The following SAMD5 variants were observed in gnomAD, a reference collection of about 807,000 sequenced individuals.
SAMD5 encodes sterile alpha motif domain-containing protein 5.
A neutral mutation model predicts 11.3 loss-of-function variants in SAMD5; 13 were observed. The observed-to-expected ratio is 1.15, with a 90% CI of 0.75 to 1.83. The LOEUF (loss-of-function observed/expected upper bound fraction) is 1.83. Ranked by LOEUF, SAMD5 falls within the 40% of genes most tolerant of loss-of-function variation. The probability of loss-of-function intolerance (pLI) is 0.00; values close to 1 mark genes in which losing one functional copy is unlikely to be tolerated. For missense variants in SAMD5, 255 were observed against 239.1 expected, an observed-to-expected ratio of 1.07 and a Z score of -0.44; for synonymous variants, 129 against 111.3, an observed-to-expected ratio of 1.16 and a Z score of -1.00.
the SAMD5 span, among the ~76,000 whole-genome samples, chr6:147,951,098 C>T: frequency 6.6e-6 from 1 of 152,004 alleles, no homozygotes; most frequent in East Asian, 1.9e-4. Flanking sequence ...GTTAACCCAA[C>T]TCCAGGATTC....
At chr6:147,690,884 A>G (rs1184397635) in intron 1 of SAMD5, among the ~76,000 whole-genome samples, 1 of 151,722 alleles carries the variant, frequency 6.6e-6, no homozygotes, top group Non-Finnish European at 1.5e-5. Context: ...AAAAACACCC[A>G]TACAGGGTTT....
chr6:147,654,715 A>C (rs1368483680), intron 1 of SAMD5, among the ~76,000 whole-genome samples: 1 of 151,108 alleles, frequency 6.6e-6, no homozygotes, highest in African/African-American at 2.4e-5. Flanking sequence ...TTTTTTCTCC[A>C]TGATTCTCAA....
At chr6:147,510,589 C>A (rs1047649409) in intron 1 of SAMD5, among the ~76,000 whole-genome samples, 1 of 152,102 alleles carries the variant, frequency 6.6e-6, no homozygotes, top group Non-Finnish European at 1.5e-5. Context: ...GCTGTAGAAT[C>A]TTAAGTAAAG....
the SAMD5 span, among the ~76,000 whole-genome samples, chr6:147,766,454 C>T: frequency 6.6e-6 from 1 of 152,194 alleles, no homozygotes; most frequent in South Asian, 2.1e-4. Context: ...GAAAATGAGC[C>T]ATTCATACCC....
the SAMD5 span, among the ~76,000 whole-genome samples, chr6:147,839,734 G>A: frequency 2.0e-5 from 3 of 152,222 alleles, no homozygotes; most frequent in African/African-American, 7.2e-5. Context: ...TGGGCAACAA[G>A]AGCAAAACTC....
chr6:147,940,894 G>A, the SAMD5 span, among the ~76,000 whole-genome samples: 2 of 152,080 alleles, frequency 1.3e-5, no homozygotes, highest in African/African-American at 2.4e-5. Flanking sequence ...CTCCGGAGGC[G>A]GAGATTGCAG....
At chr6:147,693,964 C>T (rs1791140205) in intron 1 of SAMD5, among the ~76,000 whole-genome samples, 1 of 152,094 alleles carries the variant, frequency 6.6e-6, no homozygotes, top group Non-Finnish European at 1.5e-5. Flanking sequence ...GAGACTTTGT[C>T]TCAAAAAAAT....
At chr6:147,806,318 G>A in the SAMD5 span, among the ~76,000 whole-genome samples, 8,116 of 68,088 alleles carry the variant, frequency 0.12, 282 homozygotes, top group African/African-American at 0.15. Flanking sequence ...GCGCGCGCGC[G>A]CACACACACA....
intron 1 of SAMD5, among the ~76,000 whole-genome samples, chr6:147,651,915 C>G (rs1216110117): frequency 3.3e-5 from 5 of 152,056 alleles, no homozygotes; most frequent in Admixed American, 1.3e-4. Context: ...AGACCACACC[C>G]AGGCCCGCAC....
At chr6:147,933,121 C>A in the SAMD5 span, among the ~76,000 whole-genome samples, 2 of 152,086 alleles carry the variant, frequency 1.3e-5, no homozygotes, top group Non-Finnish European at 2.9e-5. Context: ...AATTCCATCA[C>A]AAAACAGAAG....
At chr6:147,763,857 C>T in the SAMD5 span, among the ~76,000 whole-genome samples, 102 of 152,364 alleles carry the variant, frequency 6.7e-4, no homozygotes, top group Non-Finnish European at 2.1e-4. Context: ...GCTGGGATTA[C>T]AGGCATGAGC....
chr6:147,533,407 A>G (rs185317650), intron 1 of SAMD5, among the ~76,000 whole-genome samples: 1 of 149,546 alleles, frequency 6.7e-6, no homozygotes, highest in African/African-American at 2.5e-5. Flanking sequence ...GGTTGCTGTA[A>G]GCCGAGATCG....
the SAMD5 span, among the ~76,000 whole-genome samples, chr6:147,918,789 C>T: frequency 6.7e-6 from 1 of 149,908 alleles, no homozygotes; most frequent in African/African-American, 2.5e-5. Context: ...CCTCTGCCTC[C>T]TGGGTTCAAG....
intron 1 of SAMD5, among the ~76,000 whole-genome samples, chr6:147,725,664 C>T (rs556080806): frequency 4.6e-5 from 7 of 152,338 alleles, no homozygotes; most frequent in African/African-American, 1.7e-4. Context: ...TCTGGGATTA[C>T]AGGCATGAGC....
intron 1 of SAMD5, among the ~76,000 whole-genome samples, chr6:147,736,706 G>A (rs2128460428): frequency 6.6e-6 from 1 of 152,242 alleles, no homozygotes; most frequent in South Asian, 2.1e-4. Context: ...TTGATATTTT[G>A]ACCAAGGAAA....
the SAMD5 span, among the ~76,000 whole-genome samples, chr6:147,907,097 C>A: frequency 1.3e-5 from 2 of 152,178 alleles, no homozygotes; most frequent in African/African-American, 4.8e-5. Context: ...ATGCAGAGGG[C>A]CTCCTCTGAA....
chr6:147,843,477 G>A, the SAMD5 span, among the ~76,000 whole-genome samples: 1 of 152,102 alleles, frequency 6.6e-6, no homozygotes, highest in African/African-American at 2.4e-5. Context: ...ATTCTTCACA[G>A]AAATTTTTTT....
intron 1 of SAMD5, 90 bp from the exon 2 acceptor site, chr6:147,564,304 A>G: frequency 1.3e-6 from 1 of 744,730 alleles, no homozygotes; most frequent in Non-Finnish European, 2.5e-6. Flanking sequence ...GACAAGAATG[A>G]CTTAAAAATA....
the SAMD5 span, among the ~76,000 whole-genome samples, chr6:147,780,032 C>G: frequency 2.0e-5 from 3 of 152,048 alleles, no homozygotes; most frequent in African/African-American, 4.8e-5. Context: ...TACTTTAAGC[C>G]TGATTCAGGT....
Sources: allele counts gnomAD v4.1 joint callset (sites outside exome capture counted in the v4.1 genomes callset), GRCh38; gene constraint gnomAD v4.1.1; transcripts MANE v1.5; gene names NCBI Gene and HGNC (gene_info 2026-07-23, HGNC 2026-07-21).